The following TAFA2 variants were observed in gnomAD, a reference collection of about 807,000 sequenced individuals.
TAFA2 encodes TAFA chemokine like family member 2.
In TAFA2, 7 loss-of-function variants were observed where a neutral mutation model predicts 18.8. That is an observed-to-expected ratio of 0.37 (90% CI 0.21 to 0.70). The LOEUF is 0.70. Among genes scored for constraint, TAFA2 ranks in the 30% least tolerant of loss-of-function variants. TAFA2 has a pLI of 0.53. For synonymous variants in TAFA2, 60 were observed against 54.2 expected (o/e 1.11, Z -0.47); for missense variants, 122 against 158.1 (o/e 0.77, Z 1.23).
chr12:62,039,531 A>C (rs1881702041), intron 1 of TAFA2, among the ~76,000 whole-genome samples: 1 of 152,162 alleles, frequency 6.6e-6, no homozygotes, highest in African/African-American at 2.4e-5. Flanking sequence ...GCATTAAGCA[A>C]TGTTGAGAGA....
chr12:61,968,356 C>T (rs2136661815), intron 1 of TAFA2, among the ~76,000 whole-genome samples: 1 of 151,862 alleles, frequency 6.6e-6, no homozygotes, highest in East Asian at 2.0e-4. Context: ...TTTCTTGGAG[C>T]TCCATTAGTA....
chr12:62,180,629 G>A (rs1376166509), intron 1 of TAFA2, among the ~76,000 whole-genome samples: 1 of 151,980 alleles, frequency 6.6e-6, no homozygotes, highest in African/African-American at 2.4e-5. Context: ...ATCTTCTATG[G>A]TGGCAAGAAT....
At chr12:62,142,291 A>T (rs540292455) in intron 1 of TAFA2, among the ~76,000 whole-genome samples, 11 of 152,318 alleles carry the variant, frequency 7.2e-5, no homozygotes, top group African/African-American at 2.6e-4. Flanking sequence ...TTCAATTAAC[A>T]TTTGTTGAAT....
intron 4 of TAFA2, among the ~76,000 whole-genome samples, chr12:61,721,683 C>A (rs1869904875): frequency 6.6e-6 from 1 of 152,196 alleles, no homozygotes; most frequent in Non-Finnish European, 1.5e-5. Flanking sequence ...TGGCCAGGTG[C>A]AGTGGCTCAT....
At chr12:62,127,334 A>G (rs1382365103) in intron 1 of TAFA2, among the ~76,000 whole-genome samples, 8 of 151,928 alleles carry the variant, frequency 5.3e-5, no homozygotes, top group African/African-American at 1.9e-4. Flanking sequence ...ACCCACTCCT[A>G]AGTCTTTCCT....
intron 4 of TAFA2, among the ~76,000 whole-genome samples, chr12:61,753,057 C>G (rs1032516642): frequency 6.6e-6 from 1 of 151,832 alleles, no homozygotes; most frequent in Non-Finnish European, 1.5e-5. Flanking sequence ...TGAAATACAT[C>G]AGTGTCTTAA....
intron 1 of TAFA2, among the ~76,000 whole-genome samples, chr12:62,011,348 A>G (rs1228266732): frequency 6.6e-6 from 1 of 152,114 alleles, no homozygotes; most frequent in Non-Finnish European, 1.5e-5. Context: ...TCAGATTGTT[A>G]CTGTGTCTGT....
At chr12:62,123,342 C>T (rs1870296042) in intron 1 of TAFA2, among the ~76,000 whole-genome samples, 1 of 151,890 alleles carries the variant, frequency 6.6e-6, no homozygotes, top group African/African-American at 2.4e-5. Flanking sequence ...GTTGCTATCT[C>T]AGATGTAGGT....
At chr12:61,899,253 G>T (rs1425399971) in intron 1 of TAFA2, among the ~76,000 whole-genome samples, 2 of 152,096 alleles carry the variant, frequency 1.3e-5, no homozygotes, top group African/African-American at 4.8e-5. Context: ...ACAACTCTGT[G>T]GGGACACAGA....
At chr12:61,800,684 C>G (rs961940567) in intron 2 of TAFA2, among the ~76,000 whole-genome samples, 3 of 151,984 alleles carry the variant, frequency 2.0e-5, no homozygotes, top group Non-Finnish European at 4.4e-5. Context: ...AGAAGAGAAG[C>G]AGGATAATAC....
chr12:61,931,563 T>A (rs909185206), intron 1 of TAFA2, among the ~76,000 whole-genome samples: 1 of 152,210 alleles, frequency 6.6e-6, no homozygotes, highest in Non-Finnish European at 1.5e-5. Flanking sequence ...TGGTCTTTTG[T>A]GAAACTCTAT....
intron 1 of TAFA2, among the ~76,000 whole-genome samples, chr12:62,212,819 T>G (rs1392099898): frequency 6.6e-6 from 1 of 152,246 alleles, no homozygotes; most frequent in African/African-American, 2.4e-5. Flanking sequence ...ACAACAGATT[T>G]CTTAATGATT....
intron 1 of TAFA2, among the ~76,000 whole-genome samples, chr12:62,125,294 C>A (rs2884814): frequency 1.2e-4 from 18 of 152,106 alleles, no homozygotes; most frequent in Non-Finnish European, 2.4e-4. Context: ...AGAGCAGGAA[C>A]CAAACCAAGC....
At chr12:61,828,984 C>T (rs1193766785) in intron 2 of TAFA2, among the ~76,000 whole-genome samples, 1 of 151,632 alleles carries the variant, frequency 6.6e-6, no homozygotes, top group Non-Finnish European at 1.5e-5. Flanking sequence ...ACAGTATGAC[C>T]TGAATACCAA....
At position 62,183,751 on chromosome 12, in the gene TAFA2, A is replaced by G. The variant is rs77450328; in HGVS notation, c.-2+7508T>C. Among the ~76,000 whole-genome samples the G allele has an allele frequency of 9.8e-3, 1,489 of 152,352 alleles. 21 individuals are homozygous for G. The highest frequency in any genetic ancestry group is 0.029 in the African/African-American group (1,205 of 41,586). On this transcript the variant is annotated intron_variant, in intron 1 of 4. Transcript: ENST00000416284. ...ACAGTGCCCAATAAATACTTATTGA[A>G]TAAATGAACAGACTTTTCCAAGGAT...
intron 1 of TAFA2, among the ~76,000 whole-genome samples, chr12:62,235,936 T>TAG (rs2062835199): frequency 6.6e-6 from 1 of 151,956 alleles, no homozygotes. Flanking sequence ...AAATGTCTTA[T>TAG]AGACATGGCA....
At chr12:62,222,715 C>T (rs2062769087) in intron 1 of TAFA2, among the ~76,000 whole-genome samples, 1 of 150,806 alleles carries the variant, frequency 6.6e-6, no homozygotes, top group East Asian at 1.9e-4. Context: ...GGGGTTTCAC[C>T]ATGTTAGCCA....
intron 1 of TAFA2, among the ~76,000 whole-genome samples, chr12:62,184,886 T>G (rs1197684985): frequency 6.6e-6 from 1 of 152,006 alleles, no homozygotes; most frequent in Middle Eastern, 3.2e-3. Context: ...ATAAAGTGGT[T>G]TTTTCATGGC....
At position 62,245,238 on chromosome 12, in the gene TAFA2, C is replaced by T. The variant is rs558321543; in HGVS notation, c.-130+13525G>A. On this transcript the variant is annotated intron_variant, in intron 1 of 5. Transcript: ENST00000551619. ...TCTCAGCACCACATAATGAATAGTG[C>T]AACATTTCTCCATTGCTTTGTAATG... Among the ~76,000 whole-genome samples the T allele has an allele frequency of 2.0e-5, 3 of 152,032 alleles. No homozygotes were observed. In the East Asian group the frequency reaches 5.8e-4, roughly 29 times the overall value.
Sources: allele counts gnomAD v4.1 joint callset (sites outside exome capture counted in the v4.1 genomes callset), GRCh38; gene constraint gnomAD v4.1.1; transcripts MANE v1.5; gene names NCBI Gene and HGNC (gene_info 2026-07-23, HGNC 2026-07-21).